Variants in GSG1L observed in about 807,000 individuals in gnomAD.
The protein encoded by GSG1L is GSG1 like.
In GSG1L, 24 loss-of-function variants were observed where a neutral mutation model predicts 42.1. The observed-to-expected ratio is 0.57, with a 90% CI of 0.41 to 0.80. GSG1L has a LOEUF of 0.80. Ranked by LOEUF, GSG1L falls within the 30% of genes least tolerant of loss-of-function variation. GSG1L has a pLI of 0.00. For synonymous variants in GSG1L, 215 were observed against 203.5 expected (o/e 1.06, Z -0.48); for missense variants, 445 against 472.2 (o/e 0.94, Z 0.53).
Position 27,909,955 on chromosome 16 carries a change from C to CTT in GSG1L, c.398-25319_398-25318dup, listed in dbSNP as rs67729209. The stretch of plus-strand genomic sequence containing the variant: ...ATTAAATGATGTGCATCTTTTCTTT[C>CTT]TTTTTTTTTTTTTTTTTTTGTTTAG... On this transcript the variant is annotated intron_variant, in intron 2 of 6. Coordinates refer to ENST00000447459, the MANE Select transcript of GSG1L (RefSeq NM_001109763.2). Among the ~76,000 whole-genome samples the CTT allele has an allele frequency of 5.4e-3, 706 of 129,928 alleles. 8 individuals are homozygous for CTT. The highest frequency in any genetic ancestry group is 0.017 in the African/African-American group (621 of 35,530). The allele number at this position is 129,928 out of a possible 152,430, so 85.2% of individuals were successfully genotyped here. A position where few individuals can be genotyped will look rare whatever the true frequency, so the allele number is the denominator to read the frequency against.
At chr16:27,814,820 C>T (rs1597468393) in intron 5 of GSG1L, among the ~76,000 whole-genome samples, 2 of 152,294 alleles carry the variant, frequency 1.3e-5, no homozygotes, top group East Asian at 3.9e-4. Context: ...GCTGGGCTCC[C>T]TGTTGAAAAA....
At chr16:27,878,093 T>C (rs2083909307) in intron 3 of GSG1L, among the ~76,000 whole-genome samples, 1 of 152,182 alleles carries the variant, frequency 6.6e-6, no homozygotes, top group Non-Finnish European at 1.5e-5. Flanking sequence ...AGAGTCATGT[T>C]CTGTTGTCCA....
intron 3 of GSG1L, among the ~76,000 whole-genome samples, chr16:27,863,772 G>A (rs941269628): frequency 3.3e-4 from 51 of 152,338 alleles, no homozygotes; most frequent in African/African-American, 1.2e-3. Flanking sequence ...AACAGCCCAA[G>A]GAGTTCCTGT....
chr16:27,916,356 C>T (rs573173211), intron 2 of GSG1L, among the ~76,000 whole-genome samples: 1 of 152,040 alleles, frequency 6.6e-6, no homozygotes, highest in East Asian at 1.9e-4. Context: ...TGCTGTGTTG[C>T]CCAGGCTGGA....
intron 1 of GSG1L, among the ~76,000 whole-genome samples, chr16:28,034,544 G>T (rs192741971): frequency 2.6e-4 from 39 of 152,200 alleles, no homozygotes; most frequent in Non-Finnish European, 5.0e-4. Context: ...TCTTCTATCT[G>T]TCTCCTCTTT....
At chr16:27,801,154 G>T (rs1427125608) in intron 6 of GSG1L, among the ~76,000 whole-genome samples, 2 of 152,174 alleles carry the variant, frequency 1.3e-5, no homozygotes, top group Admixed American at 6.5e-5. Context: ...GAAAGAGGAA[G>T]GTCAGGTTGG....
At chr16:27,938,146 T>C (rs1347323070) in intron 2 of GSG1L, among the ~76,000 whole-genome samples, 1 of 151,912 alleles carries the variant, frequency 6.6e-6, no homozygotes, top group Non-Finnish European at 1.5e-5. Context: ...CTTGGGGCTG[T>C]GGTCAGTTTC....
At chr16:27,803,792 TATAGATAG>T (rs1178511091) in intron 6 of GSG1L, among the ~76,000 whole-genome samples, 114 of 56,240 alleles carry the variant, frequency 2.0e-3, no homozygotes, top group East Asian at 0.011. Flanking sequence ...TATATATATA[TATAGATAG>T]ATAGATATAG....
At chr16:27,937,590 C>T (rs1213978030) in intron 2 of GSG1L, among the ~76,000 whole-genome samples, 1 of 152,196 alleles carries the variant, frequency 6.6e-6, no homozygotes. Context: ...GGGCATCTGC[C>T]AATCAGCAAT....
intron 1 of GSG1L, among the ~76,000 whole-genome samples, chr16:28,062,391 G>A (rs891824026): frequency 1.3e-5 from 2 of 152,160 alleles, no homozygotes; most frequent in African/African-American, 4.8e-5. Context: ...TGGACTCCTC[G>A]ACCCGGAGTT....
intron 3 of GSG1L, among the ~76,000 whole-genome samples, chr16:27,869,635 T>C (rs2083780026): frequency 1.1e-5 from 1 of 92,228 alleles, no homozygotes; most frequent in Non-Finnish European, 2.5e-5. Flanking sequence ...TGCGTCTCCA[T>C]CTCTCTCTCC....
At chr16:27,990,700 C>T (rs1278350006) in intron 1 of GSG1L, among the ~76,000 whole-genome samples, 7 of 152,292 alleles carry the variant, frequency 4.6e-5, no homozygotes, top group African/African-American at 1.7e-4. Context: ...ATTTTGATGA[C>T]GAATCTGTGA....
At chr16:27,911,121 CCCTAGCAGCTG>C (rs2084382127) in intron 2 of GSG1L, among the ~76,000 whole-genome samples, 1 of 152,194 alleles carries the variant, frequency 6.6e-6, no homozygotes, top group African/African-American at 2.4e-5. Context: ...CCCACTTCCT[CCCTAGCAGCTG>C]CCGGATCCTG....
intron 1 of GSG1L, among the ~76,000 whole-genome samples, chr16:28,002,996 CA>C (rs2085596713): frequency 6.6e-6 from 1 of 152,086 alleles, no homozygotes; most frequent in African/African-American, 2.4e-5. Flanking sequence ...GCATCCCAGG[CA>C]AAAGGCACAG....
intron 5 of GSG1L, among the ~76,000 whole-genome samples, chr16:27,814,960 C>G (rs117821079): frequency 6.6e-6 from 1 of 151,672 alleles, no homozygotes; most frequent in Non-Finnish European, 1.5e-5. Flanking sequence ...GACAGGGTTC[C>G]ACTCTGTCAC....
chr16:28,038,783 T>C (rs1177853914), intron 1 of GSG1L, among the ~76,000 whole-genome samples: 2 of 152,202 alleles, frequency 1.3e-5, no homozygotes, highest in African/African-American at 4.8e-5. Flanking sequence ...ACCAGCTAAA[T>C]GTTTTCTAAT....
At chr16:27,808,786 G>A (rs1332162470) in intron 5 of GSG1L, among the ~76,000 whole-genome samples, 1 of 152,180 alleles carries the variant, frequency 6.6e-6, no homozygotes, top group Non-Finnish European at 1.5e-5. Flanking sequence ...TCTCAGTGTG[G>A]TTTCTCTCTC....
At chr16:27,971,992 A>G (rs1053881253) in intron 1 of GSG1L, among the ~76,000 whole-genome samples, 1 of 152,208 alleles carries the variant, frequency 6.6e-6, no homozygotes, top group African/African-American at 2.4e-5. Flanking sequence ...GCAAGACTCA[A>G]CCCAGGTCTG....
chr16:27,956,407 G>A (rs1199818623), intron 2 of GSG1L, among the ~76,000 whole-genome samples: 1 of 152,204 alleles, frequency 6.6e-6, no homozygotes, highest in East Asian at 1.9e-4. Context: ...AATCCAGCCA[G>A]GCTGGCTCCA....
Sources: allele counts gnomAD v4.1 joint callset (sites outside exome capture counted in the v4.1 genomes callset), GRCh38; gene constraint gnomAD v4.1.1; transcripts MANE v1.5; gene names NCBI Gene and HGNC (gene_info 2026-07-23, HGNC 2026-07-21).